Variants in CHN2 observed in about 807,000 individuals in gnomAD.
CHN2 encodes the protein beta-chimaerin.
In CHN2, 35 loss-of-function variants were observed where a neutral mutation model predicts 56.3. The observed-to-expected ratio is 0.62, with a 90% CI of 0.47 to 0.82. The LOEUF (loss-of-function observed/expected upper bound fraction) is 0.82, where lower values mean the gene tolerates loss of function less well. CHN2 is among the 40% of genes least tolerant of loss of function. The pLI is 0.00. For missense variants in CHN2, 491 were observed against 580.5 expected, an observed-to-expected ratio of 0.85 and a Z score of 1.58; for synonymous variants, 210 against 212.8, an observed-to-expected ratio of 0.99 and a Z score of 0.12.
intron 2 of CHN2, among the ~76,000 whole-genome samples, chr7:29,184,962 G>A (rs1363957680): frequency 6.6e-6 from 1 of 152,160 alleles, no homozygotes; most frequent in East Asian, 1.9e-4. Flanking sequence ...TCGCCTCTCT[G>A]TTGCTGCCAC....
At chr7:29,174,396 G>A (rs549843216) in intron 2 of CHN2, among the ~76,000 whole-genome samples, 10 of 152,250 alleles carry the variant, frequency 6.6e-5, no homozygotes, top group Non-Finnish European at 1.0e-4. Context: ...TCGAGGCCTG[G>A]AGGCTACACC....
intron 6 of CHN2, among the ~76,000 whole-genome samples, chr7:29,457,047 C>T (rs1297750273): frequency 6.6e-6 from 1 of 152,084 alleles, no homozygotes; most frequent in Admixed American, 6.5e-5. Context: ...AAGGATGCAC[C>T]TCCTGAATAT....
intron 1 of CHN2, among the ~76,000 whole-genome samples, chr7:29,269,974 G>C (rs568848098): frequency 2.6e-5 from 4 of 152,208 alleles, no homozygotes; most frequent in Non-Finnish European, 4.4e-5. Flanking sequence ...AGAAATTAAT[G>C]TAAGTGCTTT....
intron 6 of CHN2, among the ~76,000 whole-genome samples, chr7:29,473,015 C>T (rs757233269): frequency 1.3e-5 from 2 of 152,218 alleles, no homozygotes; most frequent in Non-Finnish European, 2.9e-5. Context: ...TACTAATATA[C>T]ATCCAGGTGT....
At chr7:29,418,885 G>A (rs1244105921) in intron 6 of CHN2, among the ~76,000 whole-genome samples, 1 of 152,144 alleles carries the variant, frequency 6.6e-6, no homozygotes, top group Admixed American at 6.5e-5. Flanking sequence ...TATGTATCTG[G>A]TAGCTCTGCC....
intron 7 of CHN2, among the ~76,000 whole-genome samples, chr7:29,493,963 T>G (rs1245526955): frequency 6.6e-6 from 1 of 152,232 alleles, no homozygotes; most frequent in African/African-American, 2.4e-5. Context: ...TTTAAGGCCC[T>G]GTGTAACTTT....
At position 29,223,835 on chromosome 7, in the gene CHN2, G is replaced by A. The variant is rs185234312; in HGVS notation, c.49+28845G>A. Reference sequence around the variant, plus strand: ...ATTCAGCTTTACACAATACTGCTCAGCAGGTTTCTAAAGTGCTTTCACTAG... The same window carrying A: ...ATTCAGCTTTACACAATACTGCTCAACAGGTTTCTAAAGTGCTTTCACTAG... On this transcript the variant is annotated intron_variant, in intron 1 of 12. Coordinates refer to ENST00000222792, the MANE Select transcript of CHN2 (RefSeq NM_004067.4). Among the ~76,000 whole-genome samples the A allele has an allele frequency of 1.5e-3, 233 of 152,276 alleles. 1 individual carries two copies. Among genetic ancestry groups the A allele is most frequent in the African/African-American group, 5.2e-3 (218 of 41,562 alleles).
At chr7:29,410,024 CCTCAG>C in intron 6 of CHN2, among the ~76,000 whole-genome samples, 1 of 152,304 alleles carries the variant, frequency 6.6e-6, no homozygotes, top group Non-Finnish European at 1.5e-5. Flanking sequence ...CTGAGCACGA[CCTCAG>C]AGCTCTTCCC....
chr7:29,471,402 A>G (rs1786019097), intron 6 of CHN2, among the ~76,000 whole-genome samples: 1 of 152,222 alleles, frequency 6.6e-6, no homozygotes, highest in Non-Finnish European at 1.5e-5. Context: ...TTTTGACATC[A>G]GTCTCAGCAG....
At chr7:29,507,867 C>CT (rs1790772982) in intron 11 of CHN2, among the ~76,000 whole-genome samples, 1 of 152,088 alleles carries the variant, frequency 6.6e-6, no homozygotes, top group Non-Finnish European at 1.5e-5. Flanking sequence ...CAAATTTGTG[C>CT]TGGGCCATGT....
chr7:29,326,494 C>G lies in CHN2; in HGVS notation c.50-28131C>G, dbSNP rs775942714. Among the ~76,000 whole-genome samples, 3 of 152,304 alleles carry G rather than the reference C, an allele frequency of 2.0e-5. No individual in the cohort carries two copies. The South Asian group carries it at 6.2e-4, about 32-fold the overall frequency. On this transcript the variant is annotated intron_variant, in intron 1 of 12. Transcript: ENST00000222792. The stretch of plus-strand genomic sequence containing the variant: ...TCTAAAGAGCTGCATTCCATGGAAG[C>G]CTGGGTAGAGGCAGGATGGACATGT...
chr7:29,152,906 C>T (rs188835790), intron 2 of CHN2, among the ~76,000 whole-genome samples: 18 of 152,304 alleles, frequency 1.2e-4, no homozygotes, highest in Admixed American at 1.2e-3. Context: ...AATTCTTTGC[C>T]CAAATGTCCA....
At chr7:29,477,088 G>C (rs1170209874) in intron 6 of CHN2, among the ~76,000 whole-genome samples, 1 of 152,092 alleles carries the variant, frequency 6.6e-6, no homozygotes, top group Admixed American at 6.5e-5. Flanking sequence ...CTGTGTGATG[G>C]GGTTATTTCA....
At chr7:29,248,079 G>T (rs1007247628) in intron 1 of CHN2, among the ~76,000 whole-genome samples, 8 of 152,234 alleles carry the variant, frequency 5.3e-5, no homozygotes. Flanking sequence ...GGCTTGGAAA[G>T]TAGGCCCTGT....
intron 1 of CHN2, among the ~76,000 whole-genome samples, chr7:29,237,059 C>T (rs1787251146): frequency 6.6e-6 from 1 of 152,164 alleles, no homozygotes. Context: ...CCCCAAGGTG[C>T]CAAGGATGAC....
intron 3 of CHN2, among the ~76,000 whole-genome samples, chr7:29,385,055 G>A (rs1052200036): frequency 2.0e-4 from 31 of 152,218 alleles, no homozygotes; most frequent in African/African-American, 7.5e-4. Context: ...GGAGGGAGGA[G>A]GTTCCCTTAT....
chr7:29,194,513 T>G (rs1220912293), upstream of CHN2: 1 of 168,382 alleles, frequency 5.9e-6, no homozygotes, highest in Non-Finnish European at 1.3e-5. Flanking sequence ...CTACTCGAAG[T>G]GCGGCGGGAG....
chr7:29,472,026 G>A (rs886454925), intron 6 of CHN2, among the ~76,000 whole-genome samples: 12 of 152,108 alleles, frequency 7.9e-5, no homozygotes, highest in African/African-American at 2.9e-4. Context: ...TGATTCATTT[G>A]GCAGTATGCA....
At chr7:29,368,212 G>A (rs924564056) in intron 3 of CHN2, among the ~76,000 whole-genome samples, 1 of 151,962 alleles carries the variant, frequency 6.6e-6, no homozygotes, top group East Asian at 1.9e-4. Context: ...TTTAACCATT[G>A]CCGAGACAAA....
Sources: gnomAD v4.1 joint callset for allele counts (sites outside exome capture counted in the v4.1 genomes callset) on GRCh38, gnomAD v4.1.1 for gene constraint, MANE v1.5 for transcripts, NCBI Gene and HGNC (gene_info 2026-07-23, HGNC 2026-07-21) for gene names.